The following XPO5 variants were observed in gnomAD, a reference collection of about 807,000 sequenced individuals.
XPO5 encodes exportin-5.
A neutral mutation model predicts 160.6 loss-of-function variants in XPO5; 46 were observed. The observed-to-expected ratio is 0.29, with a 90% CI of 0.23 to 0.37. The LOEUF (loss-of-function observed/expected upper bound fraction) is 0.37, where lower values mean the gene tolerates loss of function less well. Among genes scored for constraint, XPO5 ranks in the 10% least tolerant of loss-of-function variants. XPO5 has a pLI of 1.00. For synonymous variants in XPO5, 537 were observed against 519.3 expected, an observed-to-expected ratio of 1.03 and a Z score of -0.46; for missense variants, 1,090 against 1,463.9, an observed-to-expected ratio of 0.74 and a Z score of 4.17.
chr6:43,549,726 C>T, intron 16 of XPO5, 148 bp from the exon 17 acceptor site: 3 of 1,211,848 alleles, frequency 2.5e-6, no homozygotes, highest in Non-Finnish European at 3.5e-6. Context: ...TTATAGCCAC[C>T]AAGAATCCAT....
intron 11 of XPO5, among the ~76,000 whole-genome samples, chr6:43,559,306 C>A (rs996263404): frequency 1.3e-5 from 2 of 152,078 alleles, no homozygotes; most frequent in African/African-American, 4.8e-5. Context: ...CAAAAAAAAA[C>A]ACAGAACACC....
chr6:43,541,261 A>G (rs767461777), intron 20 of XPO5, among the ~76,000 whole-genome samples: 1 of 152,226 alleles, frequency 6.6e-6, no homozygotes, highest in South Asian at 2.1e-4. Context: ...GCAGTTGACT[A>G]TAACTGGATT....
Position 43,573,561 on chromosome 6 carries a change from G to C in XPO5, c.146C>G (p.Pro49Arg). Residue 49 changes from proline (P) to arginine (R), a missense_variant, in exon 2 of 32, where the codon CCC becomes CGC. Transcript: ENST00000265351. ...EFKEKCPICVPCGLRLAEKTQ... is the reference protein window; with the variant it reads ...EFKEKCPICVRCGLRLAEKTQ... Reference sequence around the variant, plus strand: ...TTTCTCAGCCAACCTCAAGCCACAGGGGACACAGATAGGACACTTTTCTTT... The same window carrying C: ...TTTCTCAGCCAACCTCAAGCCACAGCGGACACAGATAGGACACTTTTCTTT... 1 of 1,613,664 alleles carries C rather than the reference G, an allele frequency of 6.2e-7. No homozygotes were observed.
intron 6 of XPO5, 107 bp downstream of exon 6, chr6:43,568,603 CA>C: frequency 9.5e-7 from 1 of 1,055,904 alleles, no homozygotes; most frequent in Non-Finnish European, 1.3e-6. Flanking sequence ...GACCTGTCTC[CA>C]AAACAATACA....
At chr6:43,533,213 T>TACACACACACACACACAC (rs70990197) in intron 21 of XPO5, 8 of 135,222 alleles carry the variant, frequency 5.9e-5, no homozygotes, top group Middle Eastern at 3.9e-3. Flanking sequence ...GATACCTATC[T>TACACACACACACACACAC]ACACACACAC....
Position 43,523,589 on chromosome 6 carries a change from T to C in XPO5, c.*279A>G. Reference sequence around the variant, plus strand: ...GCTTGTGGGAGAAGGGCTGCTCTGCTCTAGCTTTTCTTGGAAAAGCCAAAT... The same window carrying C: ...GCTTGTGGGAGAAGGGCTGCTCTGCCCTAGCTTTTCTTGGAAAAGCCAAAT... On this transcript the variant is annotated 3_prime_UTR_variant, in exon 32 of 32. Transcript: ENST00000265351. The C allele has an allele frequency of 3.2e-6, 2 of 630,596 alleles. No individual in the cohort carries two copies. The highest frequency in any genetic ancestry group is 6.9e-5 in the East Asian group (2 of 28,940). 39.1% of individuals were successfully genotyped at this position (630,596 alleles called of 1,614,324 possible).
At chr6:43,559,133 C>T (rs986930088) in intron 11 of XPO5, 5 of 152,346 alleles carry the variant, frequency 3.3e-5, no homozygotes, top group African/African-American at 1.2e-4. Flanking sequence ...CCTGTCTCTA[C>T]TAAAATACAA....
rs537883813 is a variant in XPO5 at position 43,570,538 on chromosome 6, G to A, written c.585C>T (p.Asn195=). 4.3e-6 allele frequency: 7 copies of A among 1,613,582 alleles called. No homozygotes were observed. The highest frequency in any genetic ancestry group is 3.3e-5 in the Admixed American group (2 of 59,950). The change falls in exon 5 of 32, where the codon AAC becomes AAT. Residue 195 remains asparagine (N), a synonymous_variant. Transcript: ENST00000265351. The part of the protein sequence containing the change: ...NMERIFSFLL[N]TLQENVNKYQ... ...ACTTGTTTACATTTTCTTGAAGTGT[G>A]TTAAGCAGAAAACTGAAGATCCTTT...
At chr6:43,547,781 A>G in intron 18 of XPO5, 74 bp from the exon 19 acceptor site, 1 of 1,346,850 alleles carries the variant, frequency 7.4e-7, no homozygotes, top group African/African-American at 1.4e-5. Flanking sequence ...AGGAGTTAAC[A>G]GGCTATCATT....
intron 1 of XPO5, among the ~76,000 whole-genome samples, chr6:43,573,984 C>T (rs1365564517): frequency 1.3e-5 from 2 of 151,714 alleles, no homozygotes; most frequent in East Asian, 3.9e-4. Context: ...TGCACGCCAC[C>T]ACACCCAGCT....
intron 20 of XPO5, among the ~76,000 whole-genome samples, chr6:43,534,959 C>T (rs1794224442): frequency 6.6e-6 from 1 of 152,120 alleles, no homozygotes; most frequent in Non-Finnish European, 1.5e-5. Context: ...CATACCACTG[C>T]ACTCCAGCCT....
chr6:43,568,064 T>A (rs1762792014), intron 6 of XPO5, among the ~76,000 whole-genome samples: 1 of 149,978 alleles, frequency 6.7e-6, no homozygotes, highest in Non-Finnish European at 1.5e-5. Flanking sequence ...ATCCCAGCAC[T>A]TTGGGAAGCT....
chr6:43,547,191 T>C (rs1004055146), intron 19 of XPO5: 1 of 354,066 alleles, frequency 2.8e-6, no homozygotes, highest in African/African-American at 2.1e-5. Context: ...TAATGGGACT[T>C]GTGCCATAAT....
At chr6:43,534,526 T>C (rs775397011) in intron 20 of XPO5, among the ~76,000 whole-genome samples, 1 of 152,216 alleles carries the variant, frequency 6.6e-6, no homozygotes, top group Non-Finnish European at 1.5e-5. Context: ...TGAGCAATTA[T>C]AGGCTTTGAG....
chr6:43,525,942 G>A (rs768572379), intron 27 of XPO5, 21 bp from the exon 28 acceptor site: 1 of 1,612,592 alleles, frequency 6.2e-7, no homozygotes, highest in Non-Finnish European at 8.5e-7. Flanking sequence ...AGAGTAGAAT[G>A]TTAAGCTCCA....
At chr6:43,539,500 G>A in intron 20 of XPO5, 1 of 1,570,880 alleles carries the variant, frequency 6.4e-7, no homozygotes, top group Admixed American at 1.7e-5. Flanking sequence ...CCTTGACCAA[G>A]CGGCCCAGCT....
intron 15 of XPO5, 184 bp downstream of exon 15, chr6:43,551,114 G>T: frequency 2.1e-6 from 1 of 478,846 alleles, no homozygotes; most frequent in Non-Finnish European, 3.5e-6. Flanking sequence ...GCCTAGGCCA[G>T]GCATGGTTGT....
intron 8 of XPO5, among the ~76,000 whole-genome samples, chr6:43,562,743 G>A (rs374578000): frequency 1.1e-4 from 16 of 152,142 alleles, no homozygotes; most frequent in African/African-American, 3.9e-4. Context: ...TGGAATCACC[G>A]CTTTATGAAC....
chr6:43,528,057 C>A, intron 25 of XPO5, 102 bp downstream of exon 25: 1 of 1,200,942 alleles, frequency 8.3e-7, no homozygotes, highest in Non-Finnish European at 1.2e-6. Context: ...CAACCTACTG[C>A]TCTTCTACCC....
Sources: gnomAD v4.1 joint callset for allele counts (sites outside exome capture counted in the v4.1 genomes callset) on GRCh38, gnomAD v4.1.1 for gene constraint, MANE v1.5 for transcripts, NCBI Gene and HGNC (gene_info 2026-07-23, HGNC 2026-07-21) for gene names.